Variants in HIF3A observed in about 807,000 individuals in gnomAD.
The protein encoded by HIF3A is hypoxia inducible factor 3 subunit alpha, also known as hypoxia-inducible factor 3-alpha.
A neutral mutation model predicts 67.2 loss-of-function variants in HIF3A; 41 were observed. The observed-to-expected ratio is 0.61, with a 90% confidence interval of 0.48 to 0.79. HIF3A has a LOEUF of 0.79. Among genes scored for constraint, HIF3A ranks in the 30% least tolerant of loss-of-function variants. The pLI is 0.00. For missense variants in HIF3A, 855 were observed against 898.0 expected, an observed-to-expected ratio of 0.95 and a Z score of 0.61; for synonymous variants, 356 against 374.8, an observed-to-expected ratio of 0.95 and a Z score of 0.58.
chr19:46,328,716 G>A (rs1252025463), intron 11 of HIF3A, among the ~76,000 whole-genome samples: 2 of 146,048 alleles, frequency 1.4e-5, no homozygotes, highest in Non-Finnish European at 3.0e-5. Context: ...TTTCTTTGAG[G>A]CATTTAGGTT....
At position 46,304,017 on chromosome 19, in the gene HIF3A, C is replaced by G. The variant is rs1454856287; in HGVS notation, c.146C>G (p.Ala49Gly). The G allele has an allele frequency of 6.3e-7, 1 of 1,593,310 alleles. No homozygotes were observed. The highest frequency in any genetic ancestry group is 1.7e-5 in the Admixed American group (1 of 57,456). ...CTGCCCTTCGCCCGCGGCGTCAGCG[C>G]CCACCTGGACAAGGCCTCTATCATG... Reference protein sequence around the residue: ...HTLPFARGVSAHLDKASIMRL... With the variant: ...HTLPFARGVSGHLDKASIMRL... Residue 49 changes from alanine to glycine, a missense_variant, in exon 2 of 15, where the codon GCC (alanine) becomes GGC (glycine). By Grantham distance (60) the Ala-to-Gly change is moderately conservative (BLOSUM62 0). Around this residue, in one of 3 missense-constraint regions of HIF3A, gnomAD observed 638 missense variants for 660.5 expected, o/e 0.97. Coordinates refer to ENST00000377670, the MANE Select transcript of HIF3A (RefSeq NM_152795.4).
In HIF3A at chr19:46,314,316, C is replaced by A. The variant is rs139532113; in HGVS notation, c.1025+1663C>A. ...TGACTAGAGCCTCTGAGGTGAAGAC[C>A]AGCCTGGGCAAAGTGGTTAAGACTC... On this transcript the variant is annotated intron_variant, in intron 8 of 14. Transcript: ENST00000377670. Among the ~76,000 whole-genome samples the A allele has an allele frequency of 8.3e-3, 1,203 of 144,210 alleles. 97 individuals carry two copies. The highest frequency in any genetic ancestry group is 0.027 in the African/African-American group (1,074 of 39,746). 94.6% of individuals were successfully genotyped at this position (144,210 alleles called of 152,430 possible). A position where few individuals can be genotyped will look rare whatever the true frequency, so the allele number is the denominator to read the frequency against.
In HIF3A at chr19:46,323,575, A is replaced by G. The variant is rs562551911; in HGVS notation, c.1335+1609A>G. On this transcript the variant is annotated intron_variant, in intron 10 of 14. Transcript: ENST00000377670. ...GCCATGGGAGTTTGACCCAGGAACC[A>G]TGCACAAAATCATATATATATATGT... 5.9e-5 allele frequency among the ~76,000 whole-genome samples: 9 copies of G among 152,314 alleles called. 1 individual carries two copies. In the East Asian group the frequency reaches 9.7e-4, roughly 16 times the overall value.
At chr19:46,323,795 A>G (rs1179770676) in intron 10 of HIF3A, among the ~76,000 whole-genome samples, 5 of 152,086 alleles carry the variant, frequency 3.3e-5, no homozygotes, top group African/African-American at 1.2e-4. Context: ...GAGAACGAAA[A>G]CCAAGCGAAA....
At chr19:46,305,091 G>A in intron 2 of HIF3A, 154 bp from the exon 3 acceptor site, 1 of 1,062,412 alleles carries the variant, frequency 9.4e-7, no homozygotes, top group Non-Finnish European at 1.4e-6. Flanking sequence ...TCTTCCTTGG[G>A]AATCCAGGCC....
chr19:46,339,686 G>T lies in HIF3A; in HGVS notation c.*64G>T. 1 of 1,220,872 alleles carries T rather than the reference G, an allele frequency of 8.2e-7. No individual in the cohort carries two copies. The highest frequency in any genetic ancestry group is 1.1e-6 in the Non-Finnish European group (1 of 869,572). 75.6% of individuals were successfully genotyped at this position (1,220,872 alleles called of 1,614,324 possible). A position where few individuals can be genotyped will look rare whatever the true frequency, so the allele number is the denominator to read the frequency against. On this transcript the variant is annotated 3_prime_UTR_variant, in exon 15 of 15. Transcript: ENST00000377670. ...AAGGACCTCAACCACACTCCACGCC[G>T]GCAGCCAACGCACAGGATGGGGGCG...
Position 46,320,506 on chromosome 19 carries a change from C to T in HIF3A, c.1089C>T (p.Pro363=). 1 of 1,614,176 alleles carries T rather than the reference C, an allele frequency of 6.2e-7. No homozygotes were observed. The highest frequency in any genetic ancestry group is 8.5e-7 in the Non-Finnish European group (1 of 1,180,034). The part of the protein sequence containing the change: ...LEQTEQHSRR[P]IQRGAPSQKD... ...AAACGGAGCAACACTCTCGCAGACC[C>T]ATTCAGCGGGGCGCCCCCTCTCAGA... The change falls in exon 9 of 15, where the codon CCC becomes CCT. Residue 363 remains proline, a synonymous_variant. Transcript: ENST00000377670.
chr19:46,331,010 G>A (rs1294999958), intron 12 of HIF3A, 146 bp from the exon 13 acceptor site: 3 of 517,774 alleles, frequency 5.8e-6, no homozygotes, highest in Non-Finnish European at 1.0e-5. Flanking sequence ...ATGGATTGGT[G>A]GATGGATGGA....
intron 13 of HIF3A, among the ~76,000 whole-genome samples, chr19:46,334,082 C>T (rs542581173): frequency 4.6e-5 from 7 of 150,722 alleles, no homozygotes; most frequent in South Asian, 2.1e-4. Flanking sequence ...CGTGAGCCAC[C>T]GCGCCCGGCC....
intron 11 of HIF3A, 120 bp from the exon 12 acceptor site, chr19:46,329,087 A>C (rs972524091): frequency 1.1e-6 from 1 of 935,076 alleles, no homozygotes; most frequent in Non-Finnish European, 1.6e-6. Flanking sequence ...ACAGATGAGG[A>C]AACTGAAGCT....
chr19:46,301,715 A>G (rs1348764180), intron 1 of HIF3A, among the ~76,000 whole-genome samples: 1 of 151,614 alleles, frequency 6.6e-6, no homozygotes, highest in Admixed American at 6.6e-5. Flanking sequence ...AATCCCAGCT[A>G]CTCGGGAGGC....
In HIF3A at chr19:46,304,069, G is replaced by A. The variant is rs1457158020; in HGVS notation, c.198G>A (p.Met66Ile). ...IMRLTISYLR[M>I]HRLCAAGEWN... ...GCCTCACCATCAGCTACCTGCGCAT[G>A]CACCGCCTCTGCGCCGCAGGTGAGC... Residue 66 changes from methionine (M) to isoleucine (I), a missense_variant, in exon 2 of 15, where the codon ATG (methionine) becomes ATA (isoleucine). Transcript: ENST00000377670. 3.2e-6 allele frequency: 5 copies of A among 1,574,776 alleles called. No individual in the cohort carries two copies. Among genetic ancestry groups the A allele is most frequent in the Middle Eastern group, 1.8e-4 (1 of 5,408 alleles).
rs143456536 is a variant in HIF3A at position 46,339,578 on chromosome 19, G to C, written c.1966G>C (p.Gly656Arg). Residue 656 changes from glycine to arginine, a missense_variant, in exon 15 of 15, where the codon GGG (glycine) becomes CGG (arginine). By Grantham distance (125) the Gly-to-Arg change is moderately radical. Coordinates refer to ENST00000377670, the MANE Select transcript of HIF3A (RefSeq NM_152795.4). The stretch of plus-strand genomic sequence containing the variant: ...CTCAGACGAGGACACTACCCAGCCC[G>C]GGGGCCCCTTCCAGCCAAGGGCAGG... Reference protein sequence around the residue: ...PYSDEDTTQPGGPFQPRAGSA... With the variant: ...PYSDEDTTQPRGPFQPRAGSA... 6.2e-7 allele frequency: 1 copy of C among 1,604,644 alleles called. No homozygotes were observed. Among genetic ancestry groups the C allele is most frequent in the Non-Finnish European group, 8.5e-7 (1 of 1,174,536 alleles).
At chr19:46,299,529 T>C (rs1568494497) in intron 1 of HIF3A, among the ~76,000 whole-genome samples, 2 of 151,844 alleles carry the variant, frequency 1.3e-5, no homozygotes, top group African/African-American at 4.8e-5. Context: ...CTGGGCAACA[T>C]GGCAAAATCT....
intron 3 of HIF3A, 46 bp downstream of exon 3, chr19:46,305,436 C>G (rs1407885050): frequency 6.3e-7 from 1 of 1,582,954 alleles, no homozygotes; most frequent in African/African-American, 1.3e-5. Context: ...ACTGGTGATG[C>G]TGGGGATACA....
At chr19:46,332,786 C>G (rs901754581) in intron 13 of HIF3A, among the ~76,000 whole-genome samples, 1 of 152,108 alleles carries the variant, frequency 6.6e-6, no homozygotes, top group African/African-American at 2.4e-5. Context: ...GAGTTCAAGT[C>G]CAGCCTGGCC....
chr19:46,330,337 G>C (rs976217136), intron 12 of HIF3A, among the ~76,000 whole-genome samples: 1 of 152,100 alleles, frequency 6.6e-6, no homozygotes, highest in Non-Finnish European at 1.5e-5. Context: ...AGGTGAAAGG[G>C]TGTATGTATG....
At chr19:46,320,279 C>A (rs796983554) in intron 8 of HIF3A, 164 bp from the exon 9 acceptor site, 1 of 628,076 alleles carries the variant, frequency 1.6e-6, no homozygotes, top group Non-Finnish European at 2.8e-6. Context: ...GAAATGAAAC[C>A]CTTATAGGAG....
At chr19:46,328,168 G>A (rs1970930554) in intron 11 of HIF3A, among the ~76,000 whole-genome samples, 1 of 152,180 alleles carries the variant, frequency 6.6e-6, no homozygotes, top group South Asian at 2.1e-4. Context: ...TCCATCCTGA[G>A]TTATCTCATT....
Sources: allele counts gnomAD v4.1 joint callset (sites outside exome capture counted in the v4.1 genomes callset), GRCh38; gene constraint gnomAD v4.1.1; regional missense constraint gnomAD v4.1.1; transcripts MANE v1.5; gene names NCBI Gene and HGNC (gene_info 2026-07-23, HGNC 2026-07-21).